PCOLCE2: variants seen among roughly 807,000 people sequenced by gnomAD.
PCOLCE2 encodes procollagen C-proteinase enhancer 2.
Under a neutral mutation model 47.0 loss-of-function variants are expected in PCOLCE2, and 42 were observed. That is an observed-to-expected ratio of 0.89 (90% CI 0.70 to 1.16). The LOEUF (loss-of-function observed/expected upper bound fraction) is 1.16, where lower values mean the gene tolerates loss of function less well. PCOLCE2 is among the 50% of genes most tolerant of loss of function. The probability of loss-of-function intolerance (pLI) is 0.00; values close to 1 mark genes in which losing one functional copy is unlikely to be tolerated. For synonymous variants in PCOLCE2, 169 were observed against 191.7 expected, an observed-to-expected ratio of 0.88 and a Z score of 0.98; for missense variants, 500 against 526.1, an observed-to-expected ratio of 0.95 and a Z score of 0.49.
chr3:142,884,089 G>A (rs771508098), intron 2 of PCOLCE2, among the ~76,000 whole-genome samples: 1 of 152,134 alleles, frequency 6.6e-6, no homozygotes, highest in Admixed American at 6.5e-5. Flanking sequence ...CACACCAGCT[G>A]TGTTTTTGTT....
At position 142,838,881 on chromosome 3, in the gene PCOLCE2, A is replaced by G; in HGVS notation, c.599T>C (p.Phe200Ser). The G allele has an allele frequency of 6.2e-7, 1 of 1,612,842 alleles. No individual in the cohort carries two copies. The highest frequency in any genetic ancestry group is 8.5e-7 in the Non-Finnish European group (1 of 1,178,812). The change falls in exon 5 of 9, where the codon TTT (phenylalanine) becomes TCT (serine). Residue 200 changes from phenylalanine to serine, a missense_variant. Physicochemically the swap from Phe to Ser is radical, Grantham distance 155 (BLOSUM62 -2). Coordinates refer to ENST00000295992, the MANE Select transcript of PCOLCE2 (RefSeq NM_013363.4). Reference protein sequence around the residue: ...NQLIELKFEKFDVERDNYCRY... With the variant: ...NQLIELKFEKSDVERDNYCRY... ...GCAGTAGTTATCTCGCTCCACATCA[A>G]ACTTCTCAAACTTTAATTCTATAAG...
intron 7 of PCOLCE2, among the ~76,000 whole-genome samples, chr3:142,821,372 T>G (rs1223297254): frequency 1.3e-5 from 2 of 152,178 alleles, no homozygotes; most frequent in Admixed American, 1.3e-4. Flanking sequence ...GTCTGGCTTA[T>G]GAGGCTCTAC....
intron 2 of PCOLCE2, among the ~76,000 whole-genome samples, chr3:142,866,945 G>T (rs1307714929): frequency 1.3e-5 from 2 of 152,206 alleles, no homozygotes; most frequent in Admixed American, 6.5e-5. Context: ...TTGTTGCCGC[G>T]TGTGCAGGTA....
intron 3 of PCOLCE2, among the ~76,000 whole-genome samples, chr3:142,846,964 T>C (rs985217478): frequency 2.6e-5 from 4 of 152,226 alleles, no homozygotes; most frequent in Non-Finnish European, 5.9e-5. Flanking sequence ...TGAGATCAGT[T>C]CTTATTGACT....
Position 142,883,198 on chromosome 3 carries a change from CAAAAA to C in PCOLCE2, c.192+4466_192+4470del, listed in dbSNP as rs750569279. Among the ~76,000 whole-genome samples the C allele has an allele frequency of 7.4e-3, 531 of 71,896 alleles. 19 individuals carry two copies. In the East Asian group the frequency reaches 0.16, roughly 22 times the overall value. The allele number at this position is 71,896 out of a possible 152,430, so 47.2% of individuals were successfully genotyped here. ...TAGGCAACAGAGCGAGACTCCGTCT[CAAAAA>C]AAAAAAAAAAAAAAAAGGAAACCAA... is the stretch of plus-strand genomic sequence containing the variant. On this transcript the variant is annotated intron_variant, in intron 2 of 8. Coordinates refer to ENST00000295992, the MANE Select transcript of PCOLCE2 (RefSeq NM_013363.4).
intron 2 of PCOLCE2, among the ~76,000 whole-genome samples, chr3:142,882,027 C>T (rs959487887): frequency 1.3e-5 from 2 of 151,962 alleles, no homozygotes; most frequent in African/African-American, 4.8e-5. Flanking sequence ...TCATCATCAT[C>T]GTCGTCATCA....
At chr3:142,845,912 T>A (rs1399484203) in intron 3 of PCOLCE2, among the ~76,000 whole-genome samples, 1 of 151,648 alleles carries the variant, frequency 6.6e-6, no homozygotes, top group African/African-American at 2.4e-5. Context: ...GAGGTGGAGG[T>A]TGCAGTGGGC....
At chr3:142,820,012 G>A (rs981579334) in intron 8 of PCOLCE2, among the ~76,000 whole-genome samples, 3 of 152,058 alleles carry the variant, frequency 2.0e-5, no homozygotes, top group Admixed American at 6.6e-5. Context: ...TAGAGCTTAT[G>A]TAGGGGAAAA....
intron 1 of PCOLCE2, chr3:142,888,516 G>T (rs937468123): frequency 1.8e-5 from 6 of 341,932 alleles, no homozygotes; most frequent in African/African-American, 1.1e-4. Flanking sequence ...CCATAGACAC[G>T]AGGAGAGGGG....
intron 2 of PCOLCE2, among the ~76,000 whole-genome samples, chr3:142,850,536 C>T (rs113323455): frequency 3.4e-3 from 514 of 152,178 alleles, no homozygotes; most frequent in Non-Finnish European, 5.6e-3. Context: ...AAGTGTGTGG[C>T]GTCTGGAAGC....
intron 2 of PCOLCE2, among the ~76,000 whole-genome samples, chr3:142,862,267 C>T (rs1933194491): frequency 1.3e-5 from 2 of 152,166 alleles, no homozygotes; most frequent in South Asian, 2.1e-4. Context: ...TCCAAGAAAC[C>T]AGGTGCCTCC....
intron 2 of PCOLCE2, among the ~76,000 whole-genome samples, chr3:142,873,615 C>A (rs1271801508): frequency 6.6e-6 from 1 of 152,060 alleles, no homozygotes; most frequent in African/African-American, 2.4e-5. Context: ...AACTGACTAG[C>A]GGAATGTAAA....
intron 2 of PCOLCE2, among the ~76,000 whole-genome samples, chr3:142,859,563 T>C (rs531625958): frequency 6.6e-6 from 1 of 151,610 alleles, no homozygotes; most frequent in East Asian, 1.9e-4. Flanking sequence ...TTTTCTTTCT[T>C]GTTTTTTTTT....
rs376455554 is a variant in PCOLCE2 at position 142,823,528 on chromosome 3, T to C, written c.949+4A>G. On this transcript the variant is annotated splice_donor_region_variant and intron_variant, in intron 7 of 8. Coordinates refer to ENST00000295992, the MANE Select transcript of PCOLCE2 (RefSeq NM_013363.4). ...AGAGAAAAAGACTGGCTTTTATTTC[T>C]TACCAAAGTCACTTGAACAATAATT... is the stretch of plus-strand genomic sequence containing the variant. 4 of 1,577,552 alleles carry C rather than the reference T, an allele frequency of 2.5e-6. No individual in the cohort carries two copies. The highest frequency in any genetic ancestry group is 3.5e-6 in the Non-Finnish European group (4 of 1,149,460).
At chr3:142,877,581 TAAC>T (rs1933525015) in intron 2 of PCOLCE2, among the ~76,000 whole-genome samples, 1 of 152,244 alleles carries the variant, frequency 6.6e-6, no homozygotes, top group African/African-American at 2.4e-5. Context: ...GTCTTCAGAT[TAAC>T]CTTACAAGGC....
chr3:142,872,928 C>T (rs1933423025), intron 2 of PCOLCE2, among the ~76,000 whole-genome samples: 1 of 152,128 alleles, frequency 6.6e-6, no homozygotes, highest in African/African-American at 2.4e-5. Flanking sequence ...GATTTATGGT[C>T]TAAACGGAAA....
At chr3:142,879,268 T>A (rs1256219130) in intron 2 of PCOLCE2, among the ~76,000 whole-genome samples, 1 of 152,108 alleles carries the variant, frequency 6.6e-6, no homozygotes, top group Non-Finnish European at 1.5e-5. Context: ...AAAAAATACA[T>A]GAAGACTTCA....
chr3:142,882,364 T>C (rs1933641060), intron 2 of PCOLCE2, among the ~76,000 whole-genome samples: 1 of 151,986 alleles, frequency 6.6e-6, no homozygotes, highest in Non-Finnish European at 1.5e-5. Flanking sequence ...ATTTTCTTCA[T>C]AAAGGGATAA....
At chr3:142,858,906 C>T (rs181533202) in intron 2 of PCOLCE2, among the ~76,000 whole-genome samples, 27 of 152,258 alleles carry the variant, frequency 1.8e-4, no homozygotes, top group South Asian at 4.1e-4. Context: ...AGAAGATAGA[C>T]ATGATAGGTG....
Sources: allele counts gnomAD v4.1 joint callset (sites outside exome capture counted in the v4.1 genomes callset), GRCh38; gene constraint gnomAD v4.1.1; transcripts MANE v1.5; gene names NCBI Gene and HGNC (gene_info 2026-07-23, HGNC 2026-07-21).